GALC: variants seen among roughly 807,000 people sequenced by gnomAD.
GALC encodes the protein galactosylceramidase.
Under a neutral mutation model 91.8 loss-of-function variants are expected in GALC, and 77 were observed. The observed-to-expected ratio is 0.84, with a 90% CI of 0.70 to 1.01. GALC has a LOEUF of 1.01. GALC is among the 50% of genes least tolerant of loss of function. The pLI is 0.00. For synonymous variants in GALC, 357 were observed against 306.7 expected (o/e 1.16, Z -1.71); for missense variants, 882 against 855.9 (o/e 1.03, Z -0.38).
chr14:87,954,328 G>A, intron 10 of GALC: 2 of 1,598,658 alleles, frequency 1.3e-6, no homozygotes, highest in Non-Finnish European at 8.6e-7. Flanking sequence ...GCAGTATACA[G>A]TTATAGAGGA....
At chr14:87,993,629 A>C, upstream of GALC, 1 of 656,274 alleles carries the variant, frequency 1.5e-6, no homozygotes, top group Non-Finnish European at 2.6e-6. Flanking sequence ...CGAGAAGAGC[A>C]GCAGAGTGAG....
Position 87,988,593 on chromosome 14 carries a change from C to T in GALC, c.196-70G>A, listed in dbSNP as rs74689143. On this transcript the variant is annotated intron_variant, in intron 1 of 16. Transcript: ENST00000261304. Reference sequence around the variant, plus strand: ...CATGAATATCTGTCTACAGTGTTCACGCACACCACCTGGTATACACATATT... The same window carrying T: ...CATGAATATCTGTCTACAGTGTTCATGCACACCACCTGGTATACACATATT... 0.14 allele frequency: 155,844 copies of T among 1,081,314 alleles called. 11,883 individuals carry two copies. The highest frequency in any genetic ancestry group is 0.17 in the Middle Eastern group (811 of 4,848). The allele number at this position is 1,081,314 out of a possible 1,614,324, so 67.0% of individuals were successfully genotyped here.
intron 4 of GALC, among the ~76,000 whole-genome samples, chr14:87,985,854 A>T (rs1266286173): frequency 2.0e-5 from 3 of 152,218 alleles, no homozygotes; most frequent in African/African-American, 7.2e-5. Flanking sequence ...CCATTTAAGC[A>T]ACTAGCCAAT....
rs369556971 is a variant in GALC, at chr14:87,937,192, G to A, written c.1912-2314C>T. On this transcript the variant is annotated intron_variant, in intron 16 of 16. Coordinates refer to ENST00000261304, the MANE Select transcript of GALC (RefSeq NM_000153.4). Reference sequence around the variant, plus strand: ...ATGATGTTTTGTTTTTTTTATTTACGCAAAGAAGATTTATATGTCAAATAC... The same window carrying A: ...ATGATGTTTTGTTTTTTTTATTTACACAAAGAAGATTTATATGTCAAATAC... 2.0e-5 allele frequency among the ~76,000 whole-genome samples: 3 copies of A among 151,588 alleles called. No individual in the cohort carries two copies. The East Asian group carries it at 5.9e-4, about 30-fold the overall frequency.
intron 5 of GALC, among the ~76,000 whole-genome samples, chr14:87,983,306 C>T (rs1412791403): frequency 6.6e-6 from 1 of 151,042 alleles, no homozygotes; most frequent in Non-Finnish European, 1.5e-5. Context: ...CACTCCAATC[C>T]GGGTGACAGT....
rs1315938947 is a variant in GALC, at chr14:87,939,898, T to C, written c.1911+7A>G. 1.9e-6 allele frequency: 3 copies of C among 1,586,466 alleles called. No homozygotes were observed. The highest frequency in any genetic ancestry group is 3.3e-5 in the Admixed American group (2 of 59,832). On this transcript the variant is annotated splice_region_variant and intron_variant, in intron 16 of 16. Coordinates refer to ENST00000261304, the MANE Select transcript of GALC (RefSeq NM_000153.4). ...TTTACCTCCAGACTCCAATCAGCAATACTTACCTTAATAGTTAACGTGAGT... is the reference window on the plus strand; with the variant it reads ...TTTACCTCCAGACTCCAATCAGCAACACTTACCTTAATAGTTAACGTGAGT...
At chr14:87,980,195 A>C (rs1285308335) in intron 6 of GALC, among the ~76,000 whole-genome samples, 2 of 152,194 alleles carry the variant, frequency 1.3e-5, no homozygotes, top group East Asian at 3.8e-4. Context: ...AGCCTGGCCA[A>C]GATGGTGAAT....
At chr14:87,983,644 A>G (rs866673643) in intron 5 of GALC, among the ~76,000 whole-genome samples, 6 of 152,238 alleles carry the variant, frequency 3.9e-5, no homozygotes, top group African/African-American at 1.2e-4. Context: ...TGGTATATTA[A>G]TAAGCAAATG....
chr14:87,961,493 G>C (rs754736400), intron 10 of GALC, among the ~76,000 whole-genome samples: 1 of 152,152 alleles, frequency 6.6e-6, no homozygotes. Flanking sequence ...CACGTTCACA[G>C]AAAAACTTGT....
Position 87,934,080 on chromosome 14 carries a change from C to T in GALC, c.*652G>A. 1.3e-6 allele frequency: 2 copies of T among 1,523,932 alleles called. No individual in the cohort carries two copies. Among genetic ancestry groups the T allele is most frequent in the Non-Finnish European group, 1.8e-6 (2 of 1,138,172 alleles). 94.4% of individuals were successfully genotyped at this position (1,523,932 alleles called of 1,614,324 possible). ...AAAAAATTAAATAATGCAAATAACC[C>T]AATTAATCTGCTAATATCTATTACT... On this transcript the variant is annotated 3_prime_UTR_variant, in exon 17 of 17. Transcript: ENST00000261304.
intron 9 of GALC, among the ~76,000 whole-genome samples, chr14:87,964,865 C>T (rs145284190): frequency 6.6e-6 from 1 of 152,208 alleles, no homozygotes; most frequent in Non-Finnish European, 1.5e-5. Flanking sequence ...ATCTATCTGC[C>T]AGGATCCTTC....
chr14:87,986,385 C>T (rs1886970505), intron 4 of GALC, 104 bp downstream of exon 4: 1 of 756,788 alleles, frequency 1.3e-6, no homozygotes, highest in Non-Finnish European at 2.3e-6. Context: ...GCATTAATGA[C>T]ATTATGAGTA....
At chr14:87,979,240 T>G (rs1282497048) in intron 6 of GALC, among the ~76,000 whole-genome samples, 3 of 152,060 alleles carry the variant, frequency 2.0e-5, no homozygotes, top group Non-Finnish European at 4.4e-5. Flanking sequence ...TTGGTCTGGC[T>G]GGTCTCAAAC....
intron 10 of GALC, chr14:87,952,788 CAG>C: frequency 1.3e-6 from 2 of 1,506,456 alleles, no homozygotes; most frequent in Non-Finnish European, 1.8e-6. Flanking sequence ...TTCTGAAACA[CAG>C]AATATAGAAT....
At chr14:87,945,075 T>C (rs2139949755) in intron 14 of GALC, among the ~76,000 whole-genome samples, 1 of 152,044 alleles carries the variant, frequency 6.6e-6, no homozygotes, top group South Asian at 2.1e-4. Context: ...TTAAATTCAC[T>C]AGGCGACTAA....
intron 3 of GALC, 24 bp from the exon 4 acceptor site, chr14:87,986,626 G>C (rs1308379792): frequency 2.1e-6 from 3 of 1,451,258 alleles, no homozygotes; most frequent in Non-Finnish European, 2.9e-6. Context: ...AGCAAAAACG[G>C]AAGTAATGAT....
chr14:87,961,491 C>T (rs1885800957), intron 10 of GALC, among the ~76,000 whole-genome samples: 1 of 152,160 alleles, frequency 6.6e-6, no homozygotes, highest in African/African-American at 2.4e-5. Flanking sequence ...AACACGTTCA[C>T]AGAAAAACTT....
rs1175630333 is a variant in GALC at position 87,939,963 on chromosome 14, G to A, written c.1853C>T (p.Ala618Val). Residue 618 changes from alanine (A) to valine (V), a missense_variant, in exon 16 of 17, where the codon GCT becomes GTT. By Grantham distance (64) the Ala-to-Val change is moderately conservative. Transcript: ENST00000261304. The part of the protein sequence containing the change: ...TGDLAGWIIY[A>V]LGRVEVTAKK... Reference sequence around the variant, plus strand: ...TGCTGTAACTTCAACACGTCCTAAAGCATATATAATCCATCCAGCTGTAAC... The same window carrying A: ...TGCTGTAACTTCAACACGTCCTAAAACATATATAATCCATCCAGCTGTAAC... The A allele has an allele frequency of 6.2e-7, 1 of 1,609,956 alleles. No individual in the cohort carries two copies. The highest frequency in any genetic ancestry group is 1.7e-5 in the Admixed American group (1 of 59,886).
chr14:87,985,193 A>G (rs183107463), intron 4 of GALC, among the ~76,000 whole-genome samples: 2 of 151,942 alleles, frequency 1.3e-5, no homozygotes, highest in Admixed American at 6.6e-5. Context: ...AGTACTTATT[A>G]TAATTCTAAA....
Sources: gnomAD v4.1 joint callset for allele counts (sites outside exome capture counted in the v4.1 genomes callset) on GRCh38, gnomAD v4.1.1 for gene constraint, MANE v1.5 for transcripts, NCBI Gene and HGNC (gene_info 2026-07-23, HGNC 2026-07-21) for gene names.